Variants in LRRC37A2 observed in about 807,000 individuals in gnomAD.
LRRC37A2 encodes leucine rich repeat containing 37 member A2, also known as leucine-rich repeat-containing protein 37A2.
LRRC37A2 carries 9 observed loss-of-function variants against 68.8 expected under a neutral mutation model. The ratio of observed to expected loss-of-function variants is 0.13; its 90% CI spans 0.08 to 0.23. The LOEUF (loss-of-function observed/expected upper bound fraction) is 0.23. Ranked by LOEUF, LRRC37A2 falls within the 10% of genes least tolerant of loss-of-function variation. LRRC37A2 has a pLI of 1.00. For synonymous variants in LRRC37A2, 63 were observed against 367.6 expected, an observed-to-expected ratio of 0.17 and a Z score of 9.48; for missense variants, 168 against 950.4, an observed-to-expected ratio of 0.18 and a Z score of 10.82.
the LRRC37A2 span, chr17:46,955,457 G>A: frequency 6.6e-6 from 1 of 152,108 alleles, no homozygotes; most frequent in Non-Finnish European, 1.5e-5. Context: ...TGTTCATCAA[G>A]GATATTGGTC....
At chr17:46,685,340 T>C in the LRRC37A2 span, among the ~76,000 whole-genome samples, 1 of 150,534 alleles carries the variant, frequency 6.6e-6, no homozygotes, top group Non-Finnish European at 1.5e-5. Context: ...GCCAGCCTTT[T>C]CAGTTATACC....
the LRRC37A2 span, among the ~76,000 whole-genome samples, chr17:47,025,543 T>C: frequency 6.6e-6 from 1 of 152,152 alleles, no homozygotes; most frequent in Non-Finnish European, 1.5e-5. Context: ...ATGTTTACCC[T>C]AAGAAGCACA....
the LRRC37A2 span, among the ~76,000 whole-genome samples, chr17:47,009,962 G>C: frequency 7.7e-4 from 117 of 152,352 alleles, no homozygotes; most frequent in African/African-American, 2.7e-3. Flanking sequence ...TGTGGCCTTC[G>C]CCGGGAGGGG....
At chr17:46,951,530 T>G in the LRRC37A2 span, among the ~76,000 whole-genome samples, 2 of 152,268 alleles carry the variant, frequency 1.3e-5, no homozygotes, top group South Asian at 4.1e-4. Context: ...GCGTAGCCCT[T>G]GAAAACGACC....
the LRRC37A2 span, chr17:46,923,502 C>A: frequency 7.2e-6 from 10 of 1,379,686 alleles, no homozygotes; most frequent in Admixed American, 6.5e-5. Context: ...GAAACTGGCA[C>A]CTGCAGGTTA....
At chr17:46,851,815 C>G in the LRRC37A2 span, 1 of 586,684 alleles carries the variant, frequency 1.7e-6, no homozygotes, top group South Asian at 7.2e-5. The surrounding 1 kb of genome is among the most constrained non-coding windows in gnomAD (Gnocchi z 4.3). Context: ...TCCTTGGCCC[C>G]GCCGAGGTCT....
chr17:46,776,069 G>T, the LRRC37A2 span, among the ~76,000 whole-genome samples: 1 of 152,224 alleles, frequency 6.6e-6, no homozygotes, highest in South Asian at 2.1e-4. Context: ...AGATGGCTTA[G>T]CCTTGCAGGT....
At chr17:46,755,236 C>A in the LRRC37A2 span, 5 of 1,082,108 alleles carry the variant, frequency 4.6e-6, no homozygotes, top group South Asian at 5.1e-5. Flanking sequence ...TGAAACCGAA[C>A]ACTGCCTTCT....
In LRRC37A2 at chr17:46,542,861, C is replaced by A. The variant is rs200735159; in HGVS notation, c.3053+1980C>A. Among the ~76,000 whole-genome samples, 253 of 147,010 alleles carry A rather than the reference C, an allele frequency of 1.7e-3. No individual in the cohort carries two copies. The East Asian group carries it at 0.037, about 21-fold the overall frequency. ...CAGTTATGCTAGGGCTGGTTGAGGG[C>A]ATTTTGCAAGATTAGCATGGAAAGG... On this transcript the variant is annotated intron_variant, in intron 8 of 14. Transcript: ENST00000576629.
chr17:46,849,452 G>C, the LRRC37A2 span, among the ~76,000 whole-genome samples: 29,926 of 152,172 alleles, frequency 0.2, 3,624 homozygotes, highest in East Asian at 0.51. Flanking sequence ...TGCCTAGGGG[G>C]TGTGGCTGGG....
At chr17:46,851,563 C>G in the LRRC37A2 span, 1 of 841,268 alleles carries the variant, frequency 1.2e-6, no homozygotes, top group Non-Finnish European at 1.6e-6. This position sits in a 1 kb window ranked among gnomAD's most constrained non-coding sequence, Gnocchi z 4.3. Context: ...GTTTAAAGTC[C>G]CGCGGGCGGG....
At chr17:47,006,170 C>T in the LRRC37A2 span, among the ~76,000 whole-genome samples, 1 of 151,614 alleles carries the variant, frequency 6.6e-6, no homozygotes, top group Admixed American at 6.6e-5. Context: ...GACTCCATCT[C>T]GGAAAAAAAA....
the LRRC37A2 span, among the ~76,000 whole-genome samples, chr17:46,816,119 A>ACACACGCATG: frequency 9.3e-5 from 14 of 150,552 alleles, no homozygotes; most frequent in African/African-American, 3.2e-4. Context: ...ACGTACACAC[A>ACACACGCATG]CACACACACA....
At chr17:46,820,179 G>T in the LRRC37A2 span, among the ~76,000 whole-genome samples, 1 of 152,210 alleles carries the variant, frequency 6.6e-6, no homozygotes, top group East Asian at 1.9e-4. Flanking sequence ...GCCCCTTCTG[G>T]TCGGCGAGCC....
chr17:46,919,615 G>A, the LRRC37A2 span, among the ~76,000 whole-genome samples: 8 of 152,084 alleles, frequency 5.3e-5, no homozygotes, highest in East Asian at 9.7e-4. Flanking sequence ...CCAACTACCC[G>A]CAGAATAAAA....
the LRRC37A2 span, among the ~76,000 whole-genome samples, chr17:47,022,166 C>CTTTTTTT: frequency 0.029 from 451 of 15,806 alleles, 18 homozygotes; most frequent in Middle Eastern, 0.14. Flanking sequence ...CCTTTTTGTT[C>CTTTTTTT]TCTTTTTTTT....
chr17:46,936,257 C>G, the LRRC37A2 span: 1 of 985,244 alleles, frequency 1.0e-6, no homozygotes, highest in Non-Finnish European at 1.2e-6. Flanking sequence ...TTTCATATCT[C>G]AGAAAAACAG....
the LRRC37A2 span, among the ~76,000 whole-genome samples, chr17:46,568,942 C>T: frequency 2.8e-5 from 2 of 71,176 alleles, no homozygotes; most frequent in Non-Finnish European, 6.0e-5. Context: ...TTTTTTTTCT[C>T]TTTTTTTTTT....
chr17:46,770,331 C>T, the LRRC37A2 span, among the ~76,000 whole-genome samples: 4 of 152,206 alleles, frequency 2.6e-5, no homozygotes, highest in Non-Finnish European at 5.9e-5. Flanking sequence ...AAACAGGCGC[C>T]GACACCAAAC....
Sources: gnomAD v4.1 joint callset for allele counts (sites outside exome capture counted in the v4.1 genomes callset) on GRCh38, gnomAD v4.1.1 for gene constraint, Gnocchi (gnomAD v3.1) non-coding constraint, MANE v1.5 for transcripts, NCBI Gene and HGNC (gene_info 2026-07-23, HGNC 2026-07-21) for gene names.